SPTA1: variants seen among roughly 807,000 people sequenced by gnomAD.
The protein encoded by SPTA1 is spectrin alpha chain, erythrocytic 1.
SPTA1 carries 177 observed loss-of-function variants against 324.7 expected under a neutral mutation model. The observed-to-expected ratio is 0.55, with a 90% CI of 0.48 to 0.62. The LOEUF is 0.62. SPTA1 is among the 20% of genes least tolerant of loss of function. The pLI, the probability that SPTA1 is intolerant of heterozygous loss-of-function variation, is 0.00. For missense variants in SPTA1, 3,162 were observed against 2,883.6 expected, an observed-to-expected ratio of 1.10 and a Z score of -2.21; for synonymous variants, 1,195 against 1,041.3, an observed-to-expected ratio of 1.15 and a Z score of -2.84.
chr1:158,623,139 G>A lies in SPTA1; in HGVS notation c.5964C>T (p.Ile1988=), dbSNP rs1219212687. 16 of 1,614,016 alleles carry A rather than the reference G, an allele frequency of 9.9e-6. No homozygotes were observed. Among genetic ancestry groups the A allele is most frequent in the African/African-American group, 1.3e-5 (1 of 74,918 alleles). Residue 1988 remains isoleucine, a synonymous_variant, in exon 43 of 52, where the codon ATC becomes ATT. Coordinates refer to ENST00000643759, the MANE Select transcript of SPTA1 (RefSeq NM_003126.4). ...QSFQQERLPE[I]TDLKDKLISA... ...AAATCAGTTTGTCCTTCAGGTCAGTGATCTCGGGAAGTCTCTCTTGCTGGA... is the reference window on the plus strand; with the variant it reads ...AAATCAGTTTGTCCTTCAGGTCAGTAATCTCGGGAAGTCTCTCTTGCTGGA...
chr1:158,618,455 T>C (rs1571376178), intron 45 of SPTA1, among the ~76,000 whole-genome samples: 2 of 152,216 alleles, frequency 1.3e-5, no homozygotes, highest in Non-Finnish European at 2.9e-5. Flanking sequence ...TAGAAAAGTA[T>C]ATATCATGAA....
intron 2 of SPTA1, among the ~76,000 whole-genome samples, chr1:158,684,181 G>A (rs868630764): frequency 5.9e-5 from 9 of 151,684 alleles, no homozygotes; most frequent in African/African-American, 1.7e-4. Flanking sequence ...GATCAGAAAC[G>A]CGTAGGAGCT....
intron 3 of SPTA1, among the ~76,000 whole-genome samples, 194 bp from the exon 4 acceptor site, chr1:158,681,861 T>G (rs1654844342): frequency 6.6e-6 from 1 of 152,180 alleles, no homozygotes; most frequent in Non-Finnish European, 1.5e-5. Flanking sequence ...AAATGCGATC[T>G]TACATAAGAG....
chr1:158,652,541 T>C lies in SPTA1; in HGVS notation c.3301A>G (p.Lys1101Glu), dbSNP rs1652527305. 1.2e-6 allele frequency: 2 copies of C among 1,614,188 alleles called. No homozygotes were observed. The highest frequency in any genetic ancestry group is 1.7e-6 in the Non-Finnish European group (2 of 1,180,038). The change falls in exon 23 of 52, where the codon AAA (lysine) becomes GAA (glutamate). Residue 1101 changes from lysine to glutamate, a missense_variant. Lys to Glu is a moderately conservative substitution (Grantham distance 56). Transcript: ENST00000643759. ...AGDMLEWIQE[K>E]KAENTGVELD... ...TCCACTCCAGTGTTTTCTGCCTTTT[T>C]CTCTTGAATCCATTCCAGCATGTCT...
At position 158,678,408 on chromosome 1, in the gene SPTA1, A is replaced by G; in HGVS notation, c.805T>C (p.Phe269Leu). 18 of 1,613,568 alleles carry G rather than the reference A, an allele frequency of 1.1e-5. No homozygotes were observed. Among genetic ancestry groups the G allele is most frequent in the Non-Finnish European group, 1.5e-5 (18 of 1,179,630 alleles). The change falls in exon 6 of 52, where the codon TTC (phenylalanine) becomes CTC (leucine). Residue 269 changes from phenylalanine to leucine, a missense_variant. Coordinates refer to ENST00000643759, the MANE Select transcript of SPTA1 (RefSeq NM_003126.4). ...CAGTGGCCAGATCCATACCTTTTGAATCGTTGTAAGTTTGCAGCATTGGAC... is the reference window on the plus strand; with the variant it reads ...CAGTGGCCAGATCCATACCTTTTGAGTCGTTGTAAGTTTGCAGCATTGGAC... ...ALSNAANLQR[F>L]KRDVTEAIQW...
chr1:158,656,531 G>T, intron 20 of SPTA1, 33 bp downstream of exon 20: 14 of 1,566,740 alleles, frequency 8.9e-6, no homozygotes, highest in Non-Finnish European at 1.2e-5. Context: ...GTGGTGGGAA[G>T]TGTGAATCCT....
chr1:158,637,848 G>T (rs1230855201), intron 36 of SPTA1, among the ~76,000 whole-genome samples, 185 bp downstream of exon 36: 2 of 152,164 alleles, frequency 1.3e-5, no homozygotes, highest in African/African-American at 2.4e-5. Flanking sequence ...TCTTTCTCTG[G>T]CTTGCATCCA....
chr1:158,629,307 T>C (rs1353478949), intron 39 of SPTA1, among the ~76,000 whole-genome samples: 1 of 151,924 alleles, frequency 6.6e-6, no homozygotes, highest in African/African-American at 2.4e-5. Context: ...GCATGTTGAA[T>C]CCAGCAGCAC....
At chr1:158,628,443 A>G (rs563561785) in intron 39 of SPTA1, among the ~76,000 whole-genome samples, 5 of 152,288 alleles carry the variant, frequency 3.3e-5, no homozygotes, top group Non-Finnish European at 5.9e-5. Context: ...GAGAATTTCT[A>G]TGACTATTAT....
intron 5 of SPTA1, 38 bp downstream of exon 5, chr1:158,680,545 A>G (rs1476478696): frequency 6.2e-7 from 1 of 1,613,064 alleles, no homozygotes; most frequent in South Asian, 1.1e-5. Flanking sequence ...AAGGATAAGA[A>G]CCCTTTGCAC....
chr1:158,680,322 C>T (rs1297588570), intron 5 of SPTA1, among the ~76,000 whole-genome samples: 2 of 152,078 alleles, frequency 1.3e-5, no homozygotes, highest in East Asian at 3.9e-4. Flanking sequence ...GCAATAGCTT[C>T]ACTGCCCATT....
At chr1:158,668,646 A>T (rs993937948) in intron 14 of SPTA1, among the ~76,000 whole-genome samples, 2 of 152,246 alleles carry the variant, frequency 1.3e-5, no homozygotes, top group Admixed American at 1.3e-4. Context: ...TCTCATCCTG[A>T]TGGTAAATGT....
intron 10 of SPTA1, among the ~76,000 whole-genome samples, chr1:158,672,704 A>C (rs1233361573): frequency 1.3e-5 from 2 of 152,174 alleles, no homozygotes; most frequent in African/African-American, 4.8e-5. Context: ...AAGAGAGAAG[A>C]GACATTCTCA....
At chr1:158,620,605 G>A in intron 43 of SPTA1, 139 bp from the exon 44 acceptor site, 3 of 1,007,142 alleles carry the variant, frequency 3.0e-6, no homozygotes, top group Non-Finnish European at 4.4e-6. Context: ...AAAACCAATA[G>A]GGACTGTGTA....
chr1:158,643,318 T>C lies in SPTA1; in HGVS notation c.4442+4A>G. 6.2e-7 allele frequency: 1 copy of C among 1,613,852 alleles called. No homozygotes were observed. The highest frequency in any genetic ancestry group is 8.5e-7 in the Non-Finnish European group (1 of 1,179,858). On this transcript the variant is annotated splice_donor_region_variant and intron_variant, in intron 31 of 51. Transcript: ENST00000643759. ...GGCACATAAAACAATCACTCAGGCC[T>C]GACCTGTCTAGTACACGTTGGAGCC...
At position 158,681,675 on chromosome 1, in the gene SPTA1, A is replaced by G; in HGVS notation, c.391-8T>C. 1 of 1,613,502 alleles carries G rather than the reference A, an allele frequency of 6.2e-7. No individual in the cohort carries two copies. Among genetic ancestry groups the G allele is most frequent in the Non-Finnish European group, 8.5e-7 (1 of 1,179,638 alleles). Reference sequence around the variant, plus strand: ...TAGCTCCTCTATATGGGCCTTTAGGAAAGAGGGGCAAAACCACTCAGCCAC... The same window carrying G: ...TAGCTCCTCTATATGGGCCTTTAGGGAAGAGGGGCAAAACCACTCAGCCAC... On this transcript the variant is annotated splice_polypyrimidine_tract_variant and splice_region_variant and intron_variant, in intron 3 of 51. Coordinates refer to ENST00000643759, the MANE Select transcript of SPTA1 (RefSeq NM_003126.4).
chr1:158,671,925 T>C, intron 11 of SPTA1, 134 bp downstream of exon 11: 2 of 1,144,284 alleles, frequency 1.7e-6, no homozygotes, highest in Non-Finnish European at 2.6e-6. Flanking sequence ...TTCTTTTTCT[T>C]GTGGATCACC....
chr1:158,630,372 G>A (rs141994956), intron 39 of SPTA1, among the ~76,000 whole-genome samples: 195 of 152,092 alleles, frequency 1.3e-3, no homozygotes, highest in African/African-American at 4.0e-3. Flanking sequence ...TTTGACAAGG[G>A]TGCCAAAAAT....
intron 49 of SPTA1, 141 bp from the exon 50 acceptor site, chr1:158,614,008 G>C (rs1362942418): frequency 9.1e-6 from 9 of 991,600 alleles, no homozygotes; most frequent in Non-Finnish European, 1.2e-5. Context: ...TACAAAGCCT[G>C]TCTGTGTCAT....
Sources: gnomAD v4.1 joint callset for allele counts (sites outside exome capture counted in the v4.1 genomes callset) on GRCh38, gnomAD v4.1.1 for gene constraint, MANE v1.5 for transcripts, NCBI Gene and HGNC (gene_info 2026-07-23, HGNC 2026-07-21) for gene names.